UMAD1: variants seen among roughly 807,000 people sequenced by gnomAD.
UMAD1 encodes the protein UBAP1-MVB12-associated (UMA)-domain containing protein 1.
UMAD1 carries 8 observed loss-of-function variants against 6.1 expected under a neutral mutation model. That is an observed-to-expected ratio of 1.30 (90% CI 0.76 to 2.35). The LOEUF (loss-of-function observed/expected upper bound fraction) is 2.35. Among genes scored for constraint, UMAD1 ranks in the 30% most tolerant of loss-of-function variants. UMAD1 has a pLI of 0.00. For missense variants in UMAD1, 130 were observed against 78.4 expected, an observed-to-expected ratio of 1.66 and a Z score of -2.49; for synonymous variants, 56 against 31.4, an observed-to-expected ratio of 1.78 and a Z score of -2.61.
chr7:7,831,745 G>C (rs1291640210), intron 3 of UMAD1, among the ~76,000 whole-genome samples: 2 of 152,110 alleles, frequency 1.3e-5, no homozygotes, highest in Non-Finnish European at 2.9e-5. Flanking sequence ...AGTATTGTGA[G>C]ATTAATTAAT....
chr7:7,827,434 A>C (rs989063678), intron 3 of UMAD1, among the ~76,000 whole-genome samples: 4 of 152,134 alleles, frequency 2.6e-5, no homozygotes, highest in Non-Finnish European at 5.9e-5. Flanking sequence ...TATTTATCGT[A>C]CTATATCTCT....
intron 1 of UMAD1, among the ~76,000 whole-genome samples, chr7:7,652,339 G>A (rs1232726747): frequency 6.6e-6 from 1 of 152,172 alleles, no homozygotes; most frequent in Non-Finnish European, 1.5e-5. Flanking sequence ...CTCAGACTTT[G>A]AGATATGGTC....
At chr7:7,647,952 C>G (rs757928360) in intron 1 of UMAD1, among the ~76,000 whole-genome samples, 6 of 152,110 alleles carry the variant, frequency 3.9e-5, no homozygotes, top group African/African-American at 9.7e-5. Context: ...TATAGACGTG[C>G]CAGCTGTGTT....
At chr7:7,717,355 C>T (rs150931695) in intron 2 of UMAD1, among the ~76,000 whole-genome samples, 10 of 152,182 alleles carry the variant, frequency 6.6e-5, no homozygotes, top group African/African-American at 2.2e-4. Context: ...CCTCGCCCAG[C>T]CTCCTGTTTC....
intron 3 of UMAD1, among the ~76,000 whole-genome samples, chr7:7,819,571 A>G (rs2194656): frequency 0.35 from 53,580 of 152,014 alleles, 9,470 homozygotes; most frequent in East Asian, 0.45. Context: ...AGCTACGTGT[A>G]TATTACTTGT....
intron 3 of UMAD1, among the ~76,000 whole-genome samples, chr7:7,860,774 CAA>C (rs369023624): frequency 3.7e-5 from 2 of 54,250 alleles, no homozygotes; most frequent in African/African-American, 6.7e-5. Context: ...GACTCCATCT[CAA>C]AAAAAAAAAA....
At chr7:7,828,413 AC>A (rs1249049956) in intron 3 of UMAD1, among the ~76,000 whole-genome samples, 1 of 152,164 alleles carries the variant, frequency 6.6e-6, no homozygotes, top group East Asian at 1.9e-4. Context: ...TGTGGCACAA[AC>A]TCAAATTCTG....
At chr7:7,675,201 A>T (rs1779709793) in intron 2 of UMAD1, among the ~76,000 whole-genome samples, 1 of 152,106 alleles carries the variant, frequency 6.6e-6, no homozygotes, top group Admixed American at 6.5e-5. Flanking sequence ...AATTGACATT[A>T]TTCTTTTTGT....
At chr7:7,842,879 A>C (rs1783710080) in intron 3 of UMAD1, among the ~76,000 whole-genome samples, 1 of 152,230 alleles carries the variant, frequency 6.6e-6, no homozygotes, top group Non-Finnish European at 1.5e-5. Context: ...AAAGGTAGAC[A>C]GTGTCCATGC....
chr7:7,651,936 C>G (rs1005050469), intron 1 of UMAD1, among the ~76,000 whole-genome samples: 1 of 152,168 alleles, frequency 6.6e-6, no homozygotes, highest in Non-Finnish European at 1.5e-5. Flanking sequence ...ACACACCATT[C>G]AAACCACTGC....
intron 2 of UMAD1, among the ~76,000 whole-genome samples, chr7:7,691,898 G>T (rs1780180751): frequency 1.3e-5 from 2 of 152,146 alleles, no homozygotes; most frequent in South Asian, 4.1e-4. Context: ...GCTCAGTTTA[G>T]CCTTGACTAA....
chr7:7,686,442 G>C (rs1011175086), intron 2 of UMAD1, among the ~76,000 whole-genome samples: 12 of 151,992 alleles, frequency 7.9e-5, no homozygotes, highest in Non-Finnish European at 1.8e-4. Context: ...GAAATTTATT[G>C]ACAATTTTTT....
chr7:7,767,844 C>G (rs1170098066), intron 2 of UMAD1, among the ~76,000 whole-genome samples: 3 of 152,224 alleles, frequency 2.0e-5, no homozygotes, highest in Non-Finnish European at 4.4e-5. Context: ...CCCAAGCAAG[C>G]TGGCTCTTCA....
At chr7:7,669,208 A>G (rs756613830) in intron 1 of UMAD1, among the ~76,000 whole-genome samples, 4 of 151,934 alleles carry the variant, frequency 2.6e-5, no homozygotes, top group Non-Finnish European at 5.9e-5. Flanking sequence ...TCTACTTGGG[A>G]TCTTGGAACA....
intron 3 of UMAD1, among the ~76,000 whole-genome samples, chr7:7,825,282 C>T (rs544119444): frequency 1.1e-3 from 166 of 152,236 alleles, no homozygotes; most frequent in African/African-American, 3.7e-3. Flanking sequence ...TATATTGATA[C>T]GTTAAAGTGT....
chr7:7,756,045 G>A (rs754153456), intron 2 of UMAD1, among the ~76,000 whole-genome samples: 5 of 152,212 alleles, frequency 3.3e-5, no homozygotes, highest in Admixed American at 6.5e-5. Flanking sequence ...AGCCCTGGGA[G>A]CGGGGGACTC....
rs1419851342 is a variant in UMAD1 at position 7,830,560 on chromosome 7, C to T, written c.156+28817C>T. ...GTGTTTTTCTTCTTTGCTCTGGGTG[C>T]CCAAAAACTGTGAGCCAACTTCAAA... On this transcript the variant is annotated intron_variant, in intron 3 of 3. Transcript: ENST00000682710. This position sits in a 1 kb window ranked among gnomAD's most constrained non-coding sequence, Gnocchi z 5.3. 6.6e-6 allele frequency among the ~76,000 whole-genome samples: 1 copy of T among 151,676 alleles called. No homozygotes were observed. Among genetic ancestry groups the T allele is most frequent in the Non-Finnish European group, 1.5e-5 (1 of 67,970 alleles).
intron 2 of UMAD1, among the ~76,000 whole-genome samples, chr7:7,682,370 A>T (rs1779932643): frequency 6.6e-6 from 1 of 152,198 alleles, no homozygotes. Context: ...TTTTAAGATT[A>T]TCTCCTATGG....
chr7:7,741,597 A>G (rs1436407323), intron 2 of UMAD1, among the ~76,000 whole-genome samples: 1 of 147,890 alleles, frequency 6.8e-6, no homozygotes, highest in African/African-American at 2.5e-5. Flanking sequence ...TAATAATAAT[A>G]ATAATAATAA....
Sources: allele counts gnomAD v4.1 joint callset (sites outside exome capture counted in the v4.1 genomes callset), GRCh38; gene constraint gnomAD v4.1.1; non-coding constraint Gnocchi (gnomAD v3.1); transcripts MANE v1.5; gene names NCBI Gene and HGNC (gene_info 2026-07-23, HGNC 2026-07-21).